MOB3B: variants seen among roughly 807,000 people sequenced by gnomAD.
MOB3B encodes MOB kinase activator 3B.
A neutral mutation model predicts 18.7 loss-of-function variants in MOB3B; 7 were observed. That is an observed-to-expected ratio of 0.37 (90% CI 0.21 to 0.70). MOB3B has a LOEUF of 0.70. Among genes scored for constraint, MOB3B ranks in the 30% least tolerant of loss-of-function variants. The pLI, the probability that MOB3B is intolerant of heterozygous loss-of-function variation, is 0.52. For missense variants in MOB3B, 253 were observed against 281.3 expected, an observed-to-expected ratio of 0.90 and a Z score of 0.72; for synonymous variants, 111 against 99.9, an observed-to-expected ratio of 1.11 and a Z score of -0.66.
At chr9:27,523,483 A>G (rs536513847) in intron 1 of MOB3B, among the ~76,000 whole-genome samples, 2 of 152,198 alleles carry the variant, frequency 1.3e-5, no homozygotes, top group East Asian at 3.9e-4. Flanking sequence ...AAAAGAAAAG[A>G]AAAGAAAAGA....
In MOB3B at chr9:27,440,878, G is replaced by C. The variant is rs1822584838; in HGVS notation, c.418+14255C>G. 2.6e-5 allele frequency among the ~76,000 whole-genome samples: 4 copies of C among 152,050 alleles called. No homozygotes were observed. In the South Asian group the frequency reaches 6.2e-4, roughly 24 times the overall value. On this transcript the variant is annotated intron_variant, in intron 2 of 3. Transcript: ENST00000262244. ...AAAGCAGCGGTCCTCAACCTTTTTG[G>C]CACCAAGGATCAGTTTTGTGGAAGA... is the stretch of plus-strand genomic sequence containing the variant.
At chr9:27,425,188 C>T (rs766430574) in intron 2 of MOB3B, among the ~76,000 whole-genome samples, 6 of 151,888 alleles carry the variant, frequency 4.0e-5, no homozygotes, top group Non-Finnish European at 7.4e-5. Flanking sequence ...CCAGCCTGAC[C>T]AACATGGAGA....
At chr9:27,454,685 G>C (rs1239575529) in intron 2 of MOB3B, among the ~76,000 whole-genome samples, 1 of 152,246 alleles carries the variant, frequency 6.6e-6, no homozygotes, top group Non-Finnish European at 1.5e-5. Flanking sequence ...TTTCTCCTCA[G>C]AATTTGAACC....
At chr9:27,494,067 G>A (rs1413308395) in intron 1 of MOB3B, among the ~76,000 whole-genome samples, 2 of 152,166 alleles carry the variant, frequency 1.3e-5, no homozygotes, top group Non-Finnish European at 2.9e-5. Context: ...GTCTCTTATG[G>A]TTGAGACTGC....
At chr9:27,382,081 T>A (rs1210300525) in intron 2 of MOB3B, among the ~76,000 whole-genome samples, 1 of 152,186 alleles carries the variant, frequency 6.6e-6, no homozygotes, top group Non-Finnish European at 1.5e-5. Context: ...TTGAGCACAT[T>A]ATTTCGTCTA....
chr9:27,507,816 T>C lies in MOB3B; in HGVS notation c.-199+21739A>G, dbSNP rs188662200. On this transcript the variant is annotated intron_variant, in intron 1 of 3. Coordinates refer to ENST00000262244, the MANE Select transcript of MOB3B (RefSeq NM_024761.5). ...GAATGACCATTTACAAATAAAGTCA[T>C]GTTCTACAGACTGTTTAAAAACGAT... Among the ~76,000 whole-genome samples the C allele has an allele frequency of 4.6e-5, 7 of 152,348 alleles. No homozygotes were observed. The East Asian group carries it at 1.3e-3, about 29-fold the overall frequency.
chr9:27,521,502 T>C (rs1015437226), intron 1 of MOB3B, among the ~76,000 whole-genome samples: 8 of 152,148 alleles, frequency 5.3e-5, no homozygotes, highest in African/African-American at 1.9e-4. Context: ...ATGCACTAAA[T>C]TGGGAGACCA....
At chr9:27,330,828 C>A in intron 3 of MOB3B, among the ~76,000 whole-genome samples, 1 of 151,964 alleles carries the variant, frequency 6.6e-6, no homozygotes, top group East Asian at 1.9e-4. Flanking sequence ...AAAAATTTGA[C>A]TCATGTATCA....
At chr9:27,459,163 A>T (rs569065093) in intron 1 of MOB3B, among the ~76,000 whole-genome samples, 17 of 152,208 alleles carry the variant, frequency 1.1e-4, no homozygotes, top group African/African-American at 3.9e-4. Flanking sequence ...TTTTGAAATT[A>T]AAAAGGGAAC....
chr9:27,482,457 G>A (rs904501454), intron 1 of MOB3B, among the ~76,000 whole-genome samples: 2 of 152,208 alleles, frequency 1.3e-5, no homozygotes, highest in Non-Finnish European at 2.9e-5. Context: ...AGAGGAGGAA[G>A]AAGAGAAAGG....
chr9:27,500,203 A>G (rs1307589042), intron 1 of MOB3B, among the ~76,000 whole-genome samples: 1 of 152,114 alleles, frequency 6.6e-6, no homozygotes, highest in Non-Finnish European at 1.5e-5. Flanking sequence ...TTTAGTTTCA[A>G]ATTCCCTGTG....
intron 1 of MOB3B, among the ~76,000 whole-genome samples, chr9:27,486,863 G>A (rs541475455): frequency 2.0e-5 from 3 of 152,322 alleles, no homozygotes; most frequent in Middle Eastern, 3.4e-3. Flanking sequence ...GGGCGTGGTG[G>A]CTCACGCTTG....
At position 27,392,363 on chromosome 9, in the gene MOB3B, A is replaced by T. The variant is rs1821737688; in HGVS notation, c.419-33127T>A. Among the ~76,000 whole-genome samples the T allele has an allele frequency of 3.9e-5, 6 of 152,352 alleles. No individual in the cohort carries two copies. In the South Asian group the frequency reaches 1.0e-3, roughly 26 times the overall value. ...ATAATGCAAAGAGAACGTTTAAAAC[A>T]TCTGCAAATATTTGGAGGAAAGCAA... On this transcript the variant is annotated intron_variant, in intron 2 of 3. Transcript: ENST00000262244.
chr9:27,406,883 G>A (rs946912574), intron 2 of MOB3B, among the ~76,000 whole-genome samples: 5 of 151,434 alleles, frequency 3.3e-5, no homozygotes, highest in Non-Finnish European at 4.4e-5. Context: ...TTGTTGTGCT[G>A]GCTGGAGTGC....
At chr9:27,524,639 C>T in intron 1 of MOB3B, 1 of 1,614,070 alleles carries the variant, frequency 6.2e-7, no homozygotes, top group Non-Finnish European at 8.5e-7. Context: ...TCAGCCAACA[C>T]ACCTTCAAAT....
chr9:27,470,953 C>T (rs568861949), intron 1 of MOB3B, among the ~76,000 whole-genome samples: 3 of 152,148 alleles, frequency 2.0e-5, no homozygotes, highest in East Asian at 3.9e-4. Context: ...TGAGCTCTGG[C>T]GGCTCTGGTA....
chr9:27,367,936 T>G (rs1018552467), intron 2 of MOB3B, among the ~76,000 whole-genome samples: 1 of 152,174 alleles, frequency 6.6e-6, no homozygotes, highest in African/African-American at 2.4e-5. Context: ...GTGCCCATGT[T>G]TCTCCTTGAA....
chr9:27,414,182 T>C (rs1822113791), intron 2 of MOB3B, among the ~76,000 whole-genome samples: 1 of 152,228 alleles, frequency 6.6e-6, no homozygotes, highest in Admixed American at 6.5e-5. Context: ...TGCCCACTCT[T>C]GCCAATAAAT....
chr9:27,338,252 C>G (rs966364517), intron 3 of MOB3B, among the ~76,000 whole-genome samples: 1 of 152,164 alleles, frequency 6.6e-6, no homozygotes, highest in African/African-American at 2.4e-5. Context: ...AGCCCTATTT[C>G]CTTGTTTCCT....
Sources: gnomAD v4.1 joint callset for allele counts (sites outside exome capture counted in the v4.1 genomes callset) on GRCh38, gnomAD v4.1.1 for gene constraint, MANE v1.5 for transcripts, NCBI Gene and HGNC (gene_info 2026-07-23, HGNC 2026-07-21) for gene names.